The following MAP2K1 variants were observed in gnomAD, a reference collection of about 807,000 sequenced individuals.
MAP2K1 encodes the protein mitogen-activated protein kinase kinase 1.
Under a neutral mutation model 46.3 loss-of-function variants are expected in MAP2K1, and 16 were observed. The ratio of observed to expected loss-of-function variants is 0.35; its 90% CI spans 0.23 to 0.52. The LOEUF (loss-of-function observed/expected upper bound fraction) is 0.52, where lower values mean the gene tolerates loss of function less well. Ranked by LOEUF, MAP2K1 falls within the 20% of genes least tolerant of loss-of-function variation. The pLI is 0.94. For missense variants in MAP2K1, 263 were observed against 497.1 expected (o/e 0.53, Z 4.48); for synonymous variants, 183 against 185.6 (o/e 0.99, Z 0.11).
chr15:66,477,232 G>A (rs1892774225), intron 5 of MAP2K1, among the ~76,000 whole-genome samples: 1 of 152,184 alleles, frequency 6.6e-6, no homozygotes, highest in African/African-American at 2.4e-5. Flanking sequence ...AAAAAAGGAG[G>A]CTTGCTTGCC....
At chr15:66,412,906 A>G (rs1324010101) in intron 1 of MAP2K1, among the ~76,000 whole-genome samples, 1 of 151,314 alleles carries the variant, frequency 6.6e-6, no homozygotes, top group Non-Finnish European at 1.5e-5. Flanking sequence ...TATTATTATT[A>G]TTATTTTTTG....
intron 1 of MAP2K1, among the ~76,000 whole-genome samples, chr15:66,401,361 C>T (rs2140525898): frequency 6.6e-6 from 1 of 152,204 alleles, no homozygotes; most frequent in South Asian, 2.1e-4. Context: ...TTTCCTCAAG[C>T]CTCAGAACTT....
At chr15:66,465,135 G>T (rs1892429566) in intron 5 of MAP2K1, among the ~76,000 whole-genome samples, 1 of 152,072 alleles carries the variant, frequency 6.6e-6, no homozygotes, top group African/African-American at 2.4e-5. Flanking sequence ...TGGGGCAGGA[G>T]AATCCTTGAA....
intron 3 of MAP2K1, among the ~76,000 whole-genome samples, chr15:66,437,442 A>G (rs142679119): frequency 2.2e-4 from 33 of 152,356 alleles, no homozygotes; most frequent in African/African-American, 7.2e-4. Context: ...TTCTTCAGAT[A>G]TAAGTCTTCC....
At chr15:66,459,567 A>G (rs1892264303) in intron 5 of MAP2K1, among the ~76,000 whole-genome samples, 1 of 151,684 alleles carries the variant, frequency 6.6e-6, no homozygotes, top group African/African-American at 2.4e-5. Context: ...GCAGTGAGCC[A>G]AGATCACACC....
rs183647758 is a variant in MAP2K1, at chr15:66,429,439, T to C, written c.81-5588T>C. 2.3e-4 allele frequency among the ~76,000 whole-genome samples: 35 copies of C among 152,260 alleles called. No homozygotes were observed. The East Asian group carries it at 6.4e-3, about 28-fold the overall frequency. On this transcript the variant is annotated intron_variant, in intron 1 of 10. Transcript: ENST00000307102. ...ATGGGGATTACAATTTAAGATGAGA[T>C]TTGGGTGGGAACGCAGAGCCAAACC...
chr15:66,399,036 G>A (rs1049587837), intron 1 of MAP2K1, among the ~76,000 whole-genome samples: 1 of 152,166 alleles, frequency 6.6e-6, no homozygotes, highest in African/African-American at 2.4e-5. Context: ...GCCTCCCAAA[G>A]TGCTGGGATT....
At chr15:66,389,056 G>A (rs899054358) in intron 1 of MAP2K1, among the ~76,000 whole-genome samples, 2 of 151,842 alleles carry the variant, frequency 1.3e-5, no homozygotes, top group African/African-American at 4.8e-5. Flanking sequence ...ACAGGCATGC[G>A]CCACCATGCC....
chr15:66,424,791 C>CTTTTT (rs58738231), intron 1 of MAP2K1, among the ~76,000 whole-genome samples: 17 of 82,140 alleles, frequency 2.1e-4, no homozygotes, highest in Non-Finnish European at 2.5e-4. Flanking sequence ...CAATCTCAAT[C>CTTTTT]TTTTTTTTTT....
chr15:66,452,399 G>T (rs919866106), intron 5 of MAP2K1, among the ~76,000 whole-genome samples: 1 of 151,920 alleles, frequency 6.6e-6, no homozygotes, highest in Non-Finnish European at 1.5e-5. Context: ...ATCAATAAGA[G>T]GTAGTGATTG....
intron 1 of MAP2K1, among the ~76,000 whole-genome samples, chr15:66,402,396 T>G (rs181506867): frequency 5.9e-5 from 9 of 152,364 alleles, no homozygotes; most frequent in Middle Eastern, 3.4e-3. Context: ...GATGCATTTA[T>G]CCATCTGTTG....
chr15:66,487,179 C>G (rs1403267458), intron 7 of MAP2K1, 49 bp from the exon 8 acceptor site: 17 of 1,528,188 alleles, frequency 1.1e-5, no homozygotes, highest in Non-Finnish European at 1.4e-5. Flanking sequence ...CTCATATTAA[C>G]AAGTAATCTG....
intron 1 of MAP2K1, chr15:66,402,040 G>A (rs2093383053): frequency 7.7e-7 from 1 of 1,305,560 alleles, no homozygotes; most frequent in African/African-American, 1.5e-5. Context: ...AAGTATTTCT[G>A]AGTAGTTTTT....
intron 5 of MAP2K1, among the ~76,000 whole-genome samples, chr15:66,459,523 C>G (rs1892262881): frequency 6.6e-6 from 1 of 150,476 alleles, no homozygotes; most frequent in African/African-American, 2.5e-5. Flanking sequence ...GAGGCTGAGG[C>G]AGGAGAATCA....
At chr15:66,483,962 A>G (rs1782123767) in intron 6 of MAP2K1, among the ~76,000 whole-genome samples, 1 of 151,794 alleles carries the variant, frequency 6.6e-6, no homozygotes, top group South Asian at 2.1e-4. Flanking sequence ...GTTAGCCAGG[A>G]TGGTCTCGAT....
At chr15:66,394,375 G>A (rs1351930836) in intron 1 of MAP2K1, among the ~76,000 whole-genome samples, 1 of 136,428 alleles carries the variant, frequency 7.3e-6, no homozygotes, top group Non-Finnish European at 1.7e-5. Flanking sequence ...GGCCCTGGAG[G>A]AAGAAAGGTT....
chr15:66,456,557 G>T (rs1170076737), intron 5 of MAP2K1, among the ~76,000 whole-genome samples: 1 of 152,178 alleles, frequency 6.6e-6, no homozygotes, highest in Non-Finnish European at 1.5e-5. Flanking sequence ...AGGCAGGATG[G>T]ACCTCACTAG....
chr15:66,393,248 G>A (rs1431443600), intron 1 of MAP2K1, among the ~76,000 whole-genome samples: 1 of 151,624 alleles, frequency 6.6e-6, no homozygotes, highest in African/African-American at 2.4e-5. Context: ...TGCAATCCTG[G>A]CTCACTGCAA....
intron 1 of MAP2K1, among the ~76,000 whole-genome samples, chr15:66,434,253 T>C (rs1339338524): frequency 6.6e-6 from 1 of 152,158 alleles, no homozygotes; most frequent in African/African-American, 2.4e-5. Flanking sequence ...CATAAAACTC[T>C]AGAATTTTAT....
Sources: allele counts gnomAD v4.1 joint callset (sites outside exome capture counted in the v4.1 genomes callset), GRCh38; gene constraint gnomAD v4.1.1; transcripts MANE v1.5; gene names NCBI Gene and HGNC (gene_info 2026-07-23, HGNC 2026-07-21).